LPP: variants seen among roughly 807,000 people sequenced by gnomAD.
The protein encoded by LPP is LIM domain containing preferred translocation partner in lipoma.
LPP carries 38 observed loss-of-function variants against 60.4 expected under a neutral mutation model. That is an observed-to-expected ratio of 0.63 (90% CI 0.49 to 0.83). LPP has a LOEUF of 0.83. LPP is among the 40% of genes least tolerant of loss of function. LPP has a pLI of 0.00. For synonymous variants in LPP, 328 were observed against 290.8 expected (o/e 1.13, Z -1.30); for missense variants, 902 against 783.6 (o/e 1.15, Z -1.80).
intron 7 of LPP, among the ~76,000 whole-genome samples, chr3:188,621,653 C>A (rs1845819976): frequency 6.6e-6 from 1 of 151,910 alleles, no homozygotes; most frequent in Non-Finnish European, 1.5e-5. Flanking sequence ...AGATGGACTC[C>A]ATTTTATTTT....
chr3:188,512,593 A>AAAT (rs567257924), intron 5 of LPP, among the ~76,000 whole-genome samples: 26 of 151,664 alleles, frequency 1.7e-4, no homozygotes, highest in African/African-American at 5.8e-4. Flanking sequence ...ATAAATAAAT[A>AAAT]AAGTTCCCAC....
intron 1 of LPP, among the ~76,000 whole-genome samples, chr3:188,183,362 C>T (rs1725672707): frequency 1.3e-5 from 2 of 152,186 alleles, no homozygotes; most frequent in South Asian, 4.1e-4. Context: ...GCTGCTGTGA[C>T]ATCTGGTGTC....
At chr3:188,697,738 C>T (rs1364637274) in intron 7 of LPP, among the ~76,000 whole-genome samples, 1 of 152,158 alleles carries the variant, frequency 6.6e-6, no homozygotes, top group East Asian at 1.9e-4. Context: ...ATATCACAAT[C>T]CTGACATAAG....
intron 2 of LPP, among the ~76,000 whole-genome samples, chr3:188,266,166 T>C (rs1054479785): frequency 6.6e-6 from 1 of 151,830 alleles, no homozygotes; most frequent in Admixed American, 6.6e-5. Context: ...TCTTTCTATA[T>C]CACCACCCTC....
intron 2 of LPP, among the ~76,000 whole-genome samples, chr3:188,290,631 A>G (rs1745633480): frequency 6.6e-6 from 1 of 152,012 alleles, no homozygotes; most frequent in Non-Finnish European, 1.5e-5. Flanking sequence ...AGTTTAGTTT[A>G]GAACATAGGA....
chr3:188,170,723 C>T (rs1721360101), intron 1 of LPP, among the ~76,000 whole-genome samples: 1 of 152,122 alleles, frequency 6.6e-6, no homozygotes, highest in Non-Finnish European at 1.5e-5. Context: ...ACTTACCTTC[C>T]CCCCAGCTTC....
chr3:188,382,750 C>T (rs942935755), intron 3 of LPP, among the ~76,000 whole-genome samples: 9 of 152,036 alleles, frequency 5.9e-5, no homozygotes, highest in African/African-American at 2.2e-4. Context: ...GTTGTTGTTC[C>T]TTTTGTTACA....
chr3:188,687,694 C>T (rs903170572), intron 7 of LPP, among the ~76,000 whole-genome samples: 1 of 151,680 alleles, frequency 6.6e-6, no homozygotes, highest in Non-Finnish European at 1.5e-5. Flanking sequence ...ATGACCCTTT[C>T]TTACTGACTC....
intron 6 of LPP, among the ~76,000 whole-genome samples, chr3:188,576,034 C>A (rs1834536633): frequency 6.6e-6 from 1 of 152,176 alleles, no homozygotes; most frequent in Non-Finnish European, 1.5e-5. Context: ...CCCCCAAGCA[C>A]ACAAGGTCCA....
chr3:188,886,737 T>TACACACACACAC lies in LPP; in HGVS notation c.*12275_*12286dup, dbSNP rs755287902. The TACACACACACAC allele has an allele frequency of 0.03, 5,776 of 190,018 alleles. 272 individuals carry two copies. Among genetic ancestry groups the TACACACACACAC allele is most frequent in the African/African-American group, 0.12 (4,416 of 35,552 alleles). The allele number at this position is 190,018 out of a possible 1,614,324, so 11.8% of individuals were successfully genotyped here. On this transcript the variant is annotated 3_prime_UTR_variant, in exon 12 of 12. Coordinates refer to ENST00000617246, the MANE Select transcript of LPP (RefSeq NM_001375462.1). The stretch of plus-strand genomic sequence containing the variant: ...TCTTCAAAACACACACACACACACA[T>TACACACACACAC]ACACACACACACACACACACACACA...
intron 3 of LPP, among the ~76,000 whole-genome samples, chr3:188,392,516 T>G (rs373075883): frequency 1.3e-5 from 2 of 152,266 alleles, no homozygotes; most frequent in South Asian, 4.1e-4. Context: ...AAATGGTTTC[T>G]TTATAACAAA....
At chr3:188,411,967 TTCTC>T (rs1359252861) in intron 4 of LPP, among the ~76,000 whole-genome samples, 1 of 62,508 alleles carries the variant, frequency 1.6e-5, no homozygotes, top group Non-Finnish European at 3.2e-5. Flanking sequence ...CTCTCTCTCT[TTCTC>T]TGTCTCTCTC....
At chr3:188,263,310 C>A (rs978601274) in intron 2 of LPP, among the ~76,000 whole-genome samples, 3 of 152,160 alleles carry the variant, frequency 2.0e-5, no homozygotes, top group Non-Finnish European at 4.4e-5. Context: ...ATCACTTAAG[C>A]GCTAATCCAT....
intron 7 of LPP, among the ~76,000 whole-genome samples, chr3:188,676,076 G>A (rs957642093): frequency 6.6e-6 from 1 of 152,038 alleles, no homozygotes; most frequent in Non-Finnish European, 1.5e-5. Flanking sequence ...GTCTGTAATA[G>A]ATAAAAAGAT....
At chr3:188,501,921 A>G (rs1186647570) in intron 5 of LPP, among the ~76,000 whole-genome samples, 1 of 152,076 alleles carries the variant, frequency 6.6e-6, no homozygotes, top group Non-Finnish European at 1.5e-5. Context: ...CATTAAAAAA[A>G]AAAACAAACA....
rs542070780 is a variant in LPP, at chr3:188,175,842, A to AT, written c.-190+21603dup. ...TAGTTGGGCTTTTTTGTACATGTTA[A>AT]TTTTTTTTTTTTTAAATATAGTGAC... is the stretch of plus-strand genomic sequence containing the variant. On this transcript the variant is annotated intron_variant, in intron 1 of 11. Transcript: ENST00000617246. Among the ~76,000 whole-genome samples, 580 of 147,332 alleles carry AT rather than the reference A, an allele frequency of 3.9e-3. 3 individuals are homozygous for AT. Among genetic ancestry groups the AT allele is most frequent in the African/African-American group, 0.01 (413 of 40,538 alleles).
intron 4 of LPP, among the ~76,000 whole-genome samples, chr3:188,427,758 C>T (rs1332622571): frequency 6.6e-6 from 1 of 151,896 alleles, no homozygotes; most frequent in Non-Finnish European, 1.5e-5. Flanking sequence ...GGACGCCCCT[C>T]CCCCCACCAA....
chr3:188,227,530 G>A (rs925499417), intron 2 of LPP, among the ~76,000 whole-genome samples: 1 of 152,094 alleles, frequency 6.6e-6, no homozygotes. Context: ...CTTCACCTGC[G>A]TTTAATAGAG....
At chr3:188,333,233 CACA>C (rs924217827) in intron 2 of LPP, among the ~76,000 whole-genome samples, 2 of 152,074 alleles carry the variant, frequency 1.3e-5, no homozygotes, top group Admixed American at 6.5e-5. Flanking sequence ...TAGATATTAG[CACA>C]ACAATTGGCA....
Sources: allele counts gnomAD v4.1 joint callset (sites outside exome capture counted in the v4.1 genomes callset), GRCh38; gene constraint gnomAD v4.1.1; transcripts MANE v1.5; gene names NCBI Gene and HGNC (gene_info 2026-07-23, HGNC 2026-07-21).